TNS1: variants seen among roughly 807,000 people sequenced by gnomAD.
The protein encoded by TNS1 is tensin-1.
TNS1 carries 62 observed loss-of-function variants against 168.6 expected under a neutral mutation model. The observed-to-expected ratio is 0.37, with a 90% CI of 0.30 to 0.45. The LOEUF (loss-of-function observed/expected upper bound fraction) is 0.45. Ranked by LOEUF, TNS1 falls within the 20% of genes least tolerant of loss-of-function variation. The pLI is 1.00. For synonymous variants in TNS1, 934 were observed against 933.2 expected, an observed-to-expected ratio of 1.00 and a Z score of -0.02; for missense variants, 2,240 against 2,339.4, an observed-to-expected ratio of 0.96 and a Z score of 0.88.
chr2:217,805,593 C>T (rs1938704324), intron 32 of TNS1, among the ~76,000 whole-genome samples: 1 of 37,966 alleles, frequency 2.6e-5, no homozygotes, highest in South Asian at 8.1e-4. Flanking sequence ...CAACACACAC[C>T]ACCACACACC....
At chr2:217,856,876 G>C (rs1948198586) in intron 18 of TNS1, among the ~76,000 whole-genome samples, 1 of 152,168 alleles carries the variant, frequency 6.6e-6, no homozygotes, top group South Asian at 2.1e-4. Flanking sequence ...TCTCAGGGCT[G>C]TGCTGTCAGT....
intron 7 of TNS1, 131 bp downstream of exon 7, chr2:217,900,332 G>C (rs531810914): frequency 2.9e-6 from 3 of 1,034,806 alleles, no homozygotes; most frequent in Non-Finnish European, 4.2e-6. Flanking sequence ...TGCCTTTCAC[G>C]TTTGCCCACA....
chr2:217,919,780 G>A (rs1368778411), intron 4 of TNS1, among the ~76,000 whole-genome samples: 2 of 152,192 alleles, frequency 1.3e-5, no homozygotes, highest in Non-Finnish European at 2.9e-5. Context: ...GTCGCCTGTA[G>A]GGAAAAACTG....
rs185681652 is a variant in TNS1 at position 217,843,776 on chromosome 2, C to T, written c.3007+3734G>A. ...CCACCCGAACACTCACTCTCAGCCC[C>T]TTTACAGCCTCTACCTCCCTTCATG... On this transcript the variant is annotated intron_variant, in intron 19 of 32. Transcript: ENST00000682258. 1.8e-3 allele frequency among the ~76,000 whole-genome samples: 278 copies of T among 152,272 alleles called. 1 individual carries two copies. Among genetic ancestry groups the T allele is most frequent in the African/African-American group, 6.2e-3 (256 of 41,544 alleles).
At chr2:217,889,204 G>A (rs1574964178) in intron 12 of TNS1, among the ~76,000 whole-genome samples, 2 of 152,368 alleles carry the variant, frequency 1.3e-5, no homozygotes, top group African/African-American at 4.8e-5. Flanking sequence ...TCTGGTTGCT[G>A]ACTCTGAGGC....
intron 3 of TNS1, among the ~76,000 whole-genome samples, chr2:217,956,760 G>A (rs1157592283): frequency 2.6e-5 from 4 of 152,174 alleles, no homozygotes; most frequent in Admixed American, 6.5e-5. Flanking sequence ...AGAAAACTGC[G>A]GCCCAGAGAA....
chr2:217,861,856 G>A (rs575957747), intron 18 of TNS1, among the ~76,000 whole-genome samples: 1 of 152,300 alleles, frequency 6.6e-6, no homozygotes, highest in African/African-American at 2.4e-5. Context: ...TGTGCCCCCT[G>A]AGCAGTACCT....
chr2:217,981,010 GGT>G (rs1958034806), intron 2 of TNS1, among the ~76,000 whole-genome samples: 1 of 152,192 alleles, frequency 6.6e-6, no homozygotes, highest in African/African-American at 2.4e-5. Context: ...GTTATTTCCT[GGT>G]TATTTTCTGA....
intron 18 of TNS1, among the ~76,000 whole-genome samples, chr2:217,851,473 A>ACC (rs1553565728): frequency 3.4e-5 from 5 of 147,756 alleles, no homozygotes; most frequent in South Asian, 2.2e-4. Context: ...ACACACACAC[A>ACC]CCCCAGGGAC....
intron 3 of TNS1, among the ~76,000 whole-genome samples, chr2:217,967,480 AG>A (rs1413481364): frequency 1.3e-5 from 2 of 152,166 alleles, no homozygotes; most frequent in African/African-American, 4.8e-5. Context: ...TCAAATCACA[AG>A]TGAAAGAGGG....
chr2:217,855,403 C>T (rs1948010797), intron 18 of TNS1, among the ~76,000 whole-genome samples: 1 of 152,216 alleles, frequency 6.6e-6, no homozygotes, highest in Non-Finnish European at 1.5e-5. Flanking sequence ...AACTTCTTCC[C>T]TACTGTCCTC....
intron 6 of TNS1, among the ~76,000 whole-genome samples, chr2:217,901,028 G>A (rs1051680259): frequency 1.3e-5 from 2 of 152,074 alleles, no homozygotes; most frequent in Admixed American, 1.3e-4. Context: ...GAGCATGCAG[G>A]AACCAAGACG....
chr2:217,900,257 T>G (rs369043235), intron 7 of TNS1, among the ~76,000 whole-genome samples: 1 of 152,226 alleles, frequency 6.6e-6, no homozygotes, highest in East Asian at 1.9e-4. Context: ...AAGACTCAGC[T>G]CAAGGGCTGG....
chr2:218,009,666 G>T (rs2105998505), intron 1 of TNS1, among the ~76,000 whole-genome samples: 1 of 152,226 alleles, frequency 6.6e-6, no homozygotes, highest in East Asian at 1.9e-4. Flanking sequence ...TCCTTACCTC[G>T]CTGCCTTAAC....
At chr2:217,942,584 T>A (rs1459965921) in intron 3 of TNS1, among the ~76,000 whole-genome samples, 1 of 152,104 alleles carries the variant, frequency 6.6e-6, no homozygotes, top group African/African-American at 2.4e-5. Context: ...TGAGGTCACA[T>A]GTGAGCCACC....
intron 22 of TNS1, among the ~76,000 whole-genome samples, chr2:217,823,840 C>T (rs1336768081): frequency 6.6e-6 from 1 of 152,188 alleles, no homozygotes; most frequent in Non-Finnish European, 1.5e-5. Context: ...AGCTGGAATC[C>T]ATGTAGGCAG....
intron 22 of TNS1, among the ~76,000 whole-genome samples, chr2:217,825,940 G>C (rs115586456): frequency 3.3e-4 from 50 of 152,190 alleles, no homozygotes; most frequent in Non-Finnish European, 7.3e-5. Context: ...AGGATGGCTC[G>C]CCCAGGGAGA....
At chr2:217,901,985 G>A (rs915120482) in intron 6 of TNS1, 6 of 152,336 alleles carry the variant, frequency 3.9e-5, no homozygotes, top group African/African-American at 1.2e-4. Flanking sequence ...AGCAGTGAAG[G>A]AGGGAAGAGC....
chr2:217,869,131 A>T (rs1457300479), intron 18 of TNS1, among the ~76,000 whole-genome samples: 1 of 152,216 alleles, frequency 6.6e-6, no homozygotes, highest in Non-Finnish European at 1.5e-5. Context: ...TGTCCATCAG[A>T]CAGAAAGCAG....
Sources: gnomAD v4.1 joint callset for allele counts (sites outside exome capture counted in the v4.1 genomes callset) on GRCh38, gnomAD v4.1.1 for gene constraint, MANE v1.5 for transcripts, NCBI Gene and HGNC (gene_info 2026-07-23, HGNC 2026-07-21) for gene names.